The following SLC8A1 variants were observed in gnomAD, a reference collection of about 807,000 sequenced individuals.
SLC8A1 encodes solute carrier family 8 member A1, also known as sodium/calcium exchanger 1.
Under a neutral mutation model 68.3 loss-of-function variants are expected in SLC8A1, and 18 were observed. The ratio of observed to expected loss-of-function variants is 0.26; its 90% CI spans 0.18 to 0.39. The LOEUF (loss-of-function observed/expected upper bound fraction) is 0.39, where lower values mean the gene tolerates loss of function less well. Among genes scored for constraint, SLC8A1 ranks in the 10% least tolerant of loss-of-function variants. SLC8A1 has a pLI of 1.00. For missense variants in SLC8A1, 985 were observed against 1,156.7 expected, an observed-to-expected ratio of 0.85 and a Z score of 2.15; for synonymous variants, 475 against 415.5, an observed-to-expected ratio of 1.14 and a Z score of -1.74.
chr2:40,199,443 T>G (rs1488185965), intron 2 of SLC8A1, among the ~76,000 whole-genome samples: 1 of 151,612 alleles, frequency 6.6e-6, no homozygotes, highest in Non-Finnish European at 1.5e-5. Flanking sequence ...ATAAATATTG[T>G]TTGTCTGTAC....
intron 2 of SLC8A1, among the ~76,000 whole-genome samples, chr2:40,211,665 T>C (rs2056603821): frequency 6.6e-6 from 1 of 152,080 alleles, no homozygotes; most frequent in African/African-American, 2.4e-5. Context: ...CCTGAAGGTA[T>C]TTCAAATGGT....
At chr2:40,170,464 G>T in intron 4 of SLC8A1, 115 bp from the exon 7 acceptor site, 1 of 842,884 alleles carries the variant, frequency 1.2e-6, no homozygotes, top group Non-Finnish European at 2.0e-6. Context: ...CACAAGCAAC[G>T]TTAGTTTGGG....
intron 2 of SLC8A1, among the ~76,000 whole-genome samples, chr2:40,288,097 T>G (rs1352544308): frequency 6.6e-6 from 1 of 152,144 alleles, no homozygotes; most frequent in African/African-American, 2.4e-5. Flanking sequence ...TGCATACTGC[T>G]TCAGGCAAGA....
intron 7 of SLC8A1, 135 bp downstream of exon 10, chr2:40,139,266 A>G (rs547970790): frequency 2.0e-6 from 2 of 984,748 alleles, no homozygotes; most frequent in Admixed American, 5.4e-5. Flanking sequence ...AGTAACATTT[A>G]TTTATACCTC....
intron 1 of SLC8A1, among the ~76,000 whole-genome samples, chr2:40,432,975 A>G (rs1008568106): frequency 2.6e-5 from 4 of 152,148 alleles, no homozygotes; most frequent in African/African-American, 9.7e-5. Flanking sequence ...ACCTGAAAGA[A>G]TCAGAAAGGT....
At chr2:40,244,599 C>G (rs1048863084) in intron 2 of SLC8A1, among the ~76,000 whole-genome samples, 1 of 150,014 alleles carries the variant, frequency 6.7e-6, no homozygotes. Flanking sequence ...GCACCAAACC[C>G]CACAAACTTT....
intron 2 of SLC8A1, among the ~76,000 whole-genome samples, chr2:40,290,271 GGTTTCTTT>G (rs1294830355): frequency 1.3e-5 from 2 of 150,738 alleles, no homozygotes; most frequent in Admixed American, 6.6e-5. Context: ...AAAAAAAAAA[GGTTTCTTT>G]GTTTCTTTGT....
intron 2 of SLC8A1, among the ~76,000 whole-genome samples, chr2:40,199,622 G>A (rs571074258): frequency 2.6e-5 from 4 of 151,558 alleles, no homozygotes; most frequent in South Asian, 2.1e-4. Context: ...ATTAAGATTC[G>A]GAAGCAAGCA....
intron 6 of SLC8A1, among the ~76,000 whole-genome samples, chr2:40,149,016 ATC>A (rs1573173428): frequency 6.6e-6 from 1 of 151,912 alleles, no homozygotes; most frequent in African/African-American, 2.4e-5. Context: ...CATCTGGAAA[ATC>A]TCTCTTTCCC....
intron 2 of SLC8A1, among the ~76,000 whole-genome samples, chr2:40,325,943 G>A (rs1344550214): frequency 1.3e-5 from 2 of 152,046 alleles, no homozygotes; most frequent in Admixed American, 1.3e-4. Flanking sequence ...ACACATGAGA[G>A]TTCACTGCTG....
At chr2:40,281,748 G>C (rs2067560187) in intron 2 of SLC8A1, among the ~76,000 whole-genome samples, 1 of 152,318 alleles carries the variant, frequency 6.6e-6, no homozygotes, top group South Asian at 2.1e-4. Context: ...AGGAAGTAGA[G>C]CAGAGAGCAG....
chr2:40,256,028 C>G (rs1237563432), intron 2 of SLC8A1, among the ~76,000 whole-genome samples: 1 of 152,178 alleles, frequency 6.6e-6, no homozygotes, highest in African/African-American at 2.4e-5. Flanking sequence ...GGGACTGTTC[C>G]TAGTGCTGTA....
chr2:40,382,692 G>C (rs143706286), intron 2 of SLC8A1, among the ~76,000 whole-genome samples: 60 of 152,180 alleles, frequency 3.9e-4, no homozygotes, highest in African/African-American at 1.3e-3. Context: ...TATAGGTATG[G>C]TTTGAGCAAA....
intron 2 of SLC8A1, chr2:40,177,995 G>T: frequency 1.6e-6 from 1 of 636,724 alleles, no homozygotes; most frequent in Non-Finnish European, 2.8e-6. Context: ...ATGTAAAAGG[G>T]CATCTTGGGT....
chr2:40,252,433 A>G (rs1157603337), intron 2 of SLC8A1, among the ~76,000 whole-genome samples: 1 of 152,082 alleles, frequency 6.6e-6, no homozygotes, highest in Non-Finnish European at 1.5e-5. Context: ...ACTGAGTTCA[A>G]CTGATTCTCC....
chr2:40,259,280 C>G (rs2064366726), intron 2 of SLC8A1, among the ~76,000 whole-genome samples: 1 of 152,176 alleles, frequency 6.6e-6, no homozygotes, highest in Non-Finnish European at 1.5e-5. Flanking sequence ...AAATACTTGG[C>G]TGCTGAAAGA....
chr2:40,144,552 T>C (rs982274673), intron 6 of SLC8A1, among the ~76,000 whole-genome samples: 13 of 152,102 alleles, frequency 8.5e-5, no homozygotes, highest in African/African-American at 3.1e-4. Flanking sequence ...CCTAGTGTTA[T>C]ATAGATACAG....
intron 2 of SLC8A1, among the ~76,000 whole-genome samples, chr2:40,379,469 T>C (rs1681002136): frequency 6.6e-6 from 1 of 152,108 alleles, no homozygotes; most frequent in African/African-American, 2.4e-5. Context: ...AAATACAGGC[T>C]TATCCATCCC....
At chr2:40,142,541 C>T (rs1216268210) in intron 6 of SLC8A1, among the ~76,000 whole-genome samples, 2 of 152,122 alleles carry the variant, frequency 1.3e-5, no homozygotes, top group Non-Finnish European at 2.9e-5. Context: ...ATGAACTATG[C>T]TGCCTTTTCT....
Sources: allele counts gnomAD v4.1 joint callset (sites outside exome capture counted in the v4.1 genomes callset), GRCh38; gene constraint gnomAD v4.1.1; transcripts MANE v1.5; gene names NCBI Gene and HGNC (gene_info 2026-07-23, HGNC 2026-07-21).